SHISA9: variants seen among roughly 807,000 people sequenced by gnomAD.
SHISA9 encodes the protein shisa family member 9.
SHISA9 carries 13 observed loss-of-function variants against 38.0 expected under a neutral mutation model. The ratio of observed to expected loss-of-function variants is 0.34; its 90% CI spans 0.22 to 0.54. The LOEUF is 0.54. SHISA9 is among the 20% of genes least tolerant of loss of function. The pLI is 0.91. For synonymous variants in SHISA9, 275 were observed against 242.0 expected, an observed-to-expected ratio of 1.14 and a Z score of -1.27; for missense variants, 538 against 575.8, an observed-to-expected ratio of 0.93 and a Z score of 0.67.
chr16:13,446,625 C>A, the SHISA9 span, among the ~76,000 whole-genome samples: 1,138 of 152,088 alleles, frequency 7.5e-3, 5 homozygotes, highest in Admixed American at 0.012. Context: ...GGCAAGGCAA[C>A]TTGTTGAGAC....
intron 2 of SHISA9, among the ~76,000 whole-genome samples, chr16:13,131,776 A>T (rs994764681): frequency 3.9e-5 from 6 of 152,166 alleles, no homozygotes; most frequent in Admixed American, 3.9e-4. Context: ...GAGTCTAAGG[A>T]ACTTGCCTGA....
At chr16:13,197,265 T>G (rs2050956082) in intron 2 of SHISA9, among the ~76,000 whole-genome samples, 1 of 152,294 alleles carries the variant, frequency 6.6e-6, no homozygotes, top group South Asian at 2.1e-4. Context: ...AGTGCCTTTC[T>G]GGGCTATTCC....
chr16:12,985,050 C>T (rs1396351236), intron 2 of SHISA9, among the ~76,000 whole-genome samples: 1 of 152,124 alleles, frequency 6.6e-6, no homozygotes, highest in African/African-American at 2.4e-5. Flanking sequence ...ATTGGTTTAT[C>T]CTCTGAGCAC....
intron 2 of SHISA9, among the ~76,000 whole-genome samples, chr16:13,188,737 AAG>A (rs1555469492): frequency 3.3e-5 from 5 of 151,136 alleles, no homozygotes; most frequent in Admixed American, 6.6e-5. Context: ...AAAAAAAAAA[AAG>A]GTATGAGGAA....
rs2051393881 is a variant in SHISA9, at chr16:13,237,230, T to C, written c.*1821T>C. Reference sequence around the variant, plus strand: ...CACGAAATCAGCAAAACCAGATATTTATTCTCCTCACTCCCAGCAGATACG... The same window carrying C: ...CACGAAATCAGCAAAACCAGATATTCATTCTCCTCACTCCCAGCAGATACG... On this transcript the variant is annotated 3_prime_UTR_variant, in exon 5 of 5. Transcript: ENST00000558583. The C allele has an allele frequency of 6.6e-6, 1 of 152,198 alleles. No individual in the cohort carries two copies. The highest frequency in any genetic ancestry group is 1.5e-5 in the Non-Finnish European group (1 of 68,046). The allele number at this position is 152,198 out of a possible 1,614,324, so 9.4% of individuals were successfully genotyped here. A position where few individuals can be genotyped will look rare whatever the true frequency, so the allele number is the denominator to read the frequency against.
At chr16:12,988,976 T>C (rs1435224933) in intron 2 of SHISA9, among the ~76,000 whole-genome samples, 1 of 152,178 alleles carries the variant, frequency 6.6e-6, no homozygotes, top group East Asian at 1.9e-4. Flanking sequence ...TGTTTACCAC[T>C]CTTTGCAATA....
At chr16:13,417,320 T>C in the SHISA9 span, among the ~76,000 whole-genome samples, 1 of 152,072 alleles carries the variant, frequency 6.6e-6, no homozygotes, top group African/African-American at 2.4e-5. Flanking sequence ...CACTTGATAG[T>C]GAAAATGGAA....
the SHISA9 span, among the ~76,000 whole-genome samples, chr16:13,307,478 G>C: frequency 6.6e-6 from 1 of 152,158 alleles, no homozygotes; most frequent in East Asian, 1.9e-4. Flanking sequence ...GTCGCTTCCT[G>C]TTCTGTATCT....
At chr16:13,220,011 C>A (rs933914987) in intron 4 of SHISA9, among the ~76,000 whole-genome samples, 1 of 152,100 alleles carries the variant, frequency 6.6e-6, no homozygotes, top group African/African-American at 2.4e-5. Flanking sequence ...AAATTGGGGG[C>A]TCTTCTTGGA....
At chr16:13,535,324 G>A in the SHISA9 span, among the ~76,000 whole-genome samples, 1 of 152,144 alleles carries the variant, frequency 6.6e-6, no homozygotes, top group African/African-American at 2.4e-5. Flanking sequence ...GACATCTAAT[G>A]AGCATCTTAA....
In SHISA9 at chr16:12,970,320, T is replaced by C. The variant is rs2072038326; in HGVS notation, c.691+53505T>C. Among the ~76,000 whole-genome samples the C allele has an allele frequency of 6.6e-5, 5 of 75,690 alleles. No individual in the cohort carries two copies. The South Asian group carries it at 1.7e-3, about 26-fold the overall frequency. The allele number at this position is 75,690 out of a possible 152,430, so 49.7% of individuals were successfully genotyped here. A position where few individuals can be genotyped will look rare whatever the true frequency, so the allele number is the denominator to read the frequency against. On this transcript the variant is annotated intron_variant, in intron 2 of 4. Coordinates refer to ENST00000558583, the MANE Select transcript of SHISA9 (RefSeq NM_001145204.3). ...GGACCCCTATCTCTCACTAGGGGTA[T>C]ATATACATATATATATATATATACA...
the SHISA9 span, among the ~76,000 whole-genome samples, chr16:13,357,042 A>G: frequency 6.6e-6 from 1 of 152,140 alleles, no homozygotes; most frequent in South Asian, 2.1e-4. Context: ...AAGCTTACCT[A>G]TAGTGAAGGA....
intron 2 of SHISA9, among the ~76,000 whole-genome samples, chr16:13,117,868 C>G (rs2074045948): frequency 6.6e-6 from 1 of 152,110 alleles, no homozygotes; most frequent in African/African-American, 2.4e-5. Flanking sequence ...ATTATAGGTG[C>G]TTACTGAAAT....
intron 2 of SHISA9, among the ~76,000 whole-genome samples, chr16:12,961,921 A>G (rs1310661908): frequency 6.6e-6 from 1 of 152,200 alleles, no homozygotes; most frequent in East Asian, 1.9e-4. Context: ...GTCTTCCAGC[A>G]TGACTGAGAC....
chr16:13,440,918 G>GA, the SHISA9 span, among the ~76,000 whole-genome samples: 281 of 142,702 alleles, frequency 2.0e-3, 3 homozygotes, highest in East Asian at 0.012. Context: ...AAGACTCTGG[G>GA]AAAAAAAAAA....
intron 2 of SHISA9, 98 bp downstream of exon 2, chr16:12,916,913 G>A (rs369251045): frequency 8.2e-6 from 11 of 1,345,160 alleles, no homozygotes; most frequent in African/African-American, 4.5e-5. Flanking sequence ...TTAGTTAAGA[G>A]CTCTTTGTGG....
chr16:13,535,222 G>T, the SHISA9 span, among the ~76,000 whole-genome samples: 1 of 152,018 alleles, frequency 6.6e-6, no homozygotes, highest in Non-Finnish European at 1.5e-5. Context: ...CTCCAGCCTG[G>T]GTAACAGAGT....
the SHISA9 span, among the ~76,000 whole-genome samples, chr16:13,337,914 T>C: frequency 6.6e-6 from 1 of 152,218 alleles, no homozygotes; most frequent in African/African-American, 2.4e-5. Flanking sequence ...CTAAGTTTCC[T>C]GAGGCCTCCC....
the SHISA9 span, among the ~76,000 whole-genome samples, chr16:13,325,531 A>C: frequency 6.6e-6 from 1 of 152,200 alleles, no homozygotes; most frequent in African/African-American, 2.4e-5. Context: ...GGGTTAGAGC[A>C]TGTATTTATA....
Sources: gnomAD v4.1 joint callset for allele counts (sites outside exome capture counted in the v4.1 genomes callset) on GRCh38, gnomAD v4.1.1 for gene constraint, MANE v1.5 for transcripts, NCBI Gene and HGNC (gene_info 2026-07-23, HGNC 2026-07-21) for gene names.